DSCC1: variants seen among roughly 807,000 people sequenced by gnomAD.
DSCC1 encodes the protein sister chromatid cohesion protein DCC1.
Under a neutral mutation model 48.2 loss-of-function variants are expected in DSCC1, and 32 were observed. The ratio of observed to expected loss-of-function variants is 0.66; its 90% CI spans 0.50 to 0.89. The LOEUF (loss-of-function observed/expected upper bound fraction) is 0.89, where lower values mean the gene tolerates loss of function less well. Ranked by LOEUF, DSCC1 falls within the 40% of genes least tolerant of loss-of-function variation. The probability of loss-of-function intolerance (pLI) is 0.00; values close to 1 mark genes in which losing one functional copy is unlikely to be tolerated. For synonymous variants in DSCC1, 150 were observed against 171.5 expected, an observed-to-expected ratio of 0.87 and a Z score of 0.98; for missense variants, 421 against 471.7, an observed-to-expected ratio of 0.89 and a Z score of 1.00.
chr8:119,850,776 G>A (rs556240765), intron 2 of DSCC1, among the ~76,000 whole-genome samples: 19 of 152,198 alleles, frequency 1.2e-4, no homozygotes, highest in Middle Eastern at 3.4e-3. Context: ...AATGTACTCT[G>A]AAAACTAGAG....
intron 4 of DSCC1, among the ~76,000 whole-genome samples, chr8:119,845,810 G>A (rs890626206): frequency 1.3e-5 from 2 of 152,024 alleles, no homozygotes; most frequent in Non-Finnish European, 2.9e-5. Flanking sequence ...TTAGCTGGAC[G>A]TGGTGGCGCA....
At chr8:119,848,665 C>T (rs762236217) in intron 3 of DSCC1, among the ~76,000 whole-genome samples, 19 of 152,234 alleles carry the variant, frequency 1.2e-4, no homozygotes, top group African/African-American at 2.9e-4. Flanking sequence ...ATCTTGTATA[C>T]GAATGTTCGC....
chr8:119,854,371 T>C (rs1028264515), intron 1 of DSCC1, among the ~76,000 whole-genome samples: 4 of 152,358 alleles, frequency 2.6e-5, no homozygotes, highest in Middle Eastern at 3.4e-3. Flanking sequence ...AAGCATTTAA[T>C]TCTCCTGTGC....
intron 3 of DSCC1, among the ~76,000 whole-genome samples, chr8:119,849,320 C>G (rs1241330146): frequency 6.7e-6 from 1 of 149,392 alleles, no homozygotes. Context: ...GCAGGAGAAT[C>G]ACTTGAACCC....
At chr8:119,843,477 G>T in intron 5 of DSCC1, 132 bp downstream of exon 5, 1 of 1,295,902 alleles carries the variant, frequency 7.7e-7, no homozygotes, top group Non-Finnish European at 1.0e-6. Flanking sequence ...TTCTTCGGTT[G>T]TAATTGTAAA....
At chr8:119,843,379 C>T (rs1386496587) in intron 5 of DSCC1, among the ~76,000 whole-genome samples, 1 of 151,992 alleles carries the variant, frequency 6.6e-6, no homozygotes, top group South Asian at 2.1e-4. Context: ...TGAGCCACTG[C>T]GCCCAGCCTA....
At chr8:119,853,950 CTG>C (rs1454705317) in intron 1 of DSCC1, among the ~76,000 whole-genome samples, 1 of 152,232 alleles carries the variant, frequency 6.6e-6, no homozygotes, top group Non-Finnish European at 1.5e-5. Flanking sequence ...TGGCTCATGC[CTG>C]TAATCCTAGC....
chr8:119,842,642 T>C, intron 6 of DSCC1, 134 bp downstream of exon 6: 1 of 737,210 alleles, frequency 1.4e-6, no homozygotes, highest in Non-Finnish European at 2.3e-6. Flanking sequence ...CACTGCAGCC[T>C]TCCAAAGTGC....
At chr8:119,845,185 A>G (rs1489759909) in intron 4 of DSCC1, among the ~76,000 whole-genome samples, 1 of 152,060 alleles carries the variant, frequency 6.6e-6, no homozygotes, top group Non-Finnish European at 1.5e-5. Flanking sequence ...TCCCGGGTTC[A>G]AATGATTCTC....
intron 7 of DSCC1, among the ~76,000 whole-genome samples, chr8:119,841,448 G>A (rs1826767929): frequency 6.6e-6 from 1 of 152,124 alleles, no homozygotes; most frequent in Non-Finnish European, 1.5e-5. Context: ...GATGGAAATG[G>A]TGAGAAACGG....
Position 119,841,892 on chromosome 8 carries a change from G to C in DSCC1, c.826C>G (p.Leu276Val), listed in dbSNP as rs1449296548. The C allele has an allele frequency of 6.2e-7, 1 of 1,614,114 alleles. No homozygotes were observed. Among genetic ancestry groups the C allele is most frequent in the Non-Finnish European group, 8.5e-7 (1 of 1,180,020 alleles). Residue 276 changes from leucine (L) to valine (V), a missense_variant, in exon 7 of 9, where the codon CTA becomes GTA. Leu to Val is a conservative substitution (Grantham distance 32). This residue lies in a region of DSCC1 where 238 missense variants were observed against 259.0 expected (regional missense o/e 0.92). Coordinates refer to ENST00000313655, the MANE Select transcript of DSCC1 (RefSeq NM_024094.3). ...DKICRAAARM[L>V]LQNAVKFNLA... ...TTGAATTTCACCGCATTCTGAAGTA[G>C]CATTCGTGCTGCTGCTCTACATATT...
chr8:119,834,665 G>A lies in DSCC1; in HGVS notation c.*228C>T, dbSNP rs571067029. ...GAGACCTCAGACATAATATAGGAAAGAATTCTTTTGTCCTTGTTTACACTG... is the reference window on the plus strand; with the variant it reads ...GAGACCTCAGACATAATATAGGAAAAAATTCTTTTGTCCTTGTTTACACTG... On this transcript the variant is annotated 3_prime_UTR_variant, in exon 9 of 9. Coordinates refer to ENST00000313655, the MANE Select transcript of DSCC1 (RefSeq NM_024094.3). 2 of 401,250 alleles carry A rather than the reference G, an allele frequency of 5.0e-6. No individual in the cohort carries two copies. The highest frequency in any genetic ancestry group is 6.7e-5 in the South Asian group (2 of 29,712). The allele number at this position is 401,250 out of a possible 1,614,324, so 24.9% of individuals were successfully genotyped here.
In DSCC1 at chr8:119,855,766, C is replaced by T; in HGVS notation, c.30G>A (p.Ala10=). 8 of 1,563,124 alleles carry T rather than the reference C, an allele frequency of 5.1e-6. No homozygotes were observed. The highest frequency in any genetic ancestry group is 6.9e-6 in the Non-Finnish European group (8 of 1,154,714). Residue 10 remains alanine (A), a synonymous_variant, in exon 1 of 9, where the codon GCG becomes GCA. Coordinates refer to ENST00000313655, the MANE Select transcript of DSCC1 (RefSeq NM_024094.3). ...CATTCAGCTTGGCGATCTGCAGCGTCGCATCCACCTCGTCGCGGGTCCTCT... is the reference window on the plus strand; with the variant it reads ...CATTCAGCTTGGCGATCTGCAGCGTTGCATCCACCTCGTCGCGGGTCCTCT... MKRTRDEVD[A]TLQIAKLNAA... is the part of the protein sequence containing the mutation.
At chr8:119,846,510 C>T (rs1826859385) in intron 4 of DSCC1, among the ~76,000 whole-genome samples, 1 of 152,182 alleles carries the variant, frequency 6.6e-6, no homozygotes, top group East Asian at 1.9e-4. Flanking sequence ...AGCAGATTGA[C>T]CTCATGTAAA....
At chr8:119,844,558 T>C (rs1419741433) in intron 4 of DSCC1, among the ~76,000 whole-genome samples, 1 of 151,904 alleles carries the variant, frequency 6.6e-6, no homozygotes, top group Non-Finnish European at 1.5e-5. Flanking sequence ...ACTTTACATA[T>C]GACTAGCTTT....
At chr8:119,846,460 A>G (rs1826858589) in intron 4 of DSCC1, among the ~76,000 whole-genome samples, 1 of 152,176 alleles carries the variant, frequency 6.6e-6, no homozygotes, top group Non-Finnish European at 1.5e-5. Flanking sequence ...CCTAATTCAA[A>G]AAAATTGGAA....
rs759424826 is a variant in DSCC1 at position 119,853,233 on chromosome 8, A to G, written c.183-18T>C. The G allele has an allele frequency of 3.1e-6, 5 of 1,595,300 alleles. No individual in the cohort carries two copies. The highest frequency in any genetic ancestry group is 2.2e-5 in the South Asian group (2 of 88,994). On this transcript the variant is annotated intron_variant, in intron 1 of 8. Coordinates refer to ENST00000313655, the MANE Select transcript of DSCC1 (RefSeq NM_024094.3). ...TCACAAGACTGTAGCAAAATGGGGG[A>G]AAAATATATAGTTTATTGACAATCC... is the stretch of plus-strand genomic sequence containing the variant.
At chr8:119,838,621 A>G (rs1826720895) in intron 7 of DSCC1, 1 of 426,696 alleles carries the variant, frequency 2.3e-6, no homozygotes, top group Admixed American at 4.6e-5. Flanking sequence ...GGCTTCTACC[A>G]TCAGCAGTCT....
Position 119,835,046 on chromosome 8 carries a change from CAT to C in DSCC1, c.1074-47_1074-46del, listed in dbSNP as rs774730254. On this transcript the variant is annotated intron_variant, in intron 8 of 8. Coordinates refer to ENST00000313655, the MANE Select transcript of DSCC1 (RefSeq NM_024094.3). ...TATATAACATGAATATTTTAGGGAA[CAT>C]ATTATGATACAGTACTATGTACTTA... The C allele has an allele frequency of 4.6e-6, 6 of 1,292,452 alleles. No homozygotes were observed. The African/African-American group carries it at 6.0e-5, about 13-fold the overall frequency. 80.1% of individuals were successfully genotyped at this position (1,292,452 alleles called of 1,614,324 possible).
Sources: allele counts gnomAD v4.1 joint callset (sites outside exome capture counted in the v4.1 genomes callset), GRCh38; gene constraint gnomAD v4.1.1; regional missense constraint gnomAD v4.1.1; transcripts MANE v1.5; gene names NCBI Gene and HGNC (gene_info 2026-07-23, HGNC 2026-07-21).